The following IDE variants were observed in gnomAD, a reference collection of about 807,000 sequenced individuals.
The protein encoded by IDE is insulin-degrading enzyme.
A neutral mutation model predicts 133.2 loss-of-function variants in IDE; 58 were observed. That is an observed-to-expected ratio of 0.44 (90% CI 0.35 to 0.54). The LOEUF (loss-of-function observed/expected upper bound fraction) is 0.54, where lower values mean the gene tolerates loss of function less well. IDE is among the 20% of genes least tolerant of loss of function. The pLI is 0.00. For synonymous variants in IDE, 396 were observed against 421.3 expected, an observed-to-expected ratio of 0.94 and a Z score of 0.73; for missense variants, 981 against 1,234.0, an observed-to-expected ratio of 0.79 and a Z score of 3.07.
chr10:92,568,466 G>T (rs1589560326), intron 1 of IDE, among the ~76,000 whole-genome samples: 1 of 152,194 alleles, frequency 6.6e-6, no homozygotes, highest in East Asian at 1.9e-4. Context: ...TACTGCTTAA[G>T]AAGTATTCAA....
intron 1 of IDE, among the ~76,000 whole-genome samples, chr10:92,567,641 C>T (rs987550774): frequency 6.6e-6 from 1 of 152,148 alleles, no homozygotes; most frequent in Non-Finnish European, 1.5e-5. Flanking sequence ...GTGAATTTCC[C>T]TACTTTTGAA....
intron 22 of IDE, among the ~76,000 whole-genome samples, chr10:92,460,857 T>C (rs532551163): frequency 6.6e-6 from 1 of 152,324 alleles, no homozygotes; most frequent in Admixed American, 6.5e-5. Context: ...TTTGGTTTTT[T>C]TGAGGCACAG....
intron 4 of IDE, among the ~76,000 whole-genome samples, chr10:92,518,137 TGATG>T (rs1166040253): frequency 1.3e-5 from 2 of 152,054 alleles, no homozygotes; most frequent in African/African-American, 4.8e-5. Flanking sequence ...ATTTGAGTAT[TGATG>T]AAGCCTTTCT....
intron 1 of IDE, among the ~76,000 whole-genome samples, chr10:92,550,113 AG>A (rs541639148): frequency 2.9e-3 from 441 of 152,278 alleles, no homozygotes; most frequent in African/African-American, 0.01. Flanking sequence ...GGTCGCAGCA[AG>A]CTGAGATCAC....
intron 14 of IDE, 79 bp from the exon 15 acceptor site, chr10:92,479,500 T>C (rs910768596): frequency 4.8e-6 from 5 of 1,035,028 alleles, no homozygotes; most frequent in Non-Finnish European, 7.4e-6. Context: ...TGGATCAAGA[T>C]ATTGAACACC....
At chr10:92,461,158 CA>C in intron 22 of IDE, 32 bp downstream of exon 22, 1 of 1,036,574 alleles carries the variant, frequency 9.6e-7, no homozygotes, top group Non-Finnish European at 1.5e-6. Context: ...ACTTTCATAT[CA>C]GTCAAAATCT....
intron 1 of IDE, among the ~76,000 whole-genome samples, chr10:92,557,814 T>C (rs541633033): frequency 6.6e-4 from 85 of 129,144 alleles, no homozygotes; most frequent in African/African-American, 2.4e-3. Context: ...TGTTTAAACC[T>C]GGGAGGCGGA....
At chr10:92,488,166 G>A (rs1044459387) in intron 12 of IDE, among the ~76,000 whole-genome samples, 15 of 151,164 alleles carry the variant, frequency 9.9e-5, no homozygotes, top group African/African-American at 3.2e-4. Context: ...ATGCAGCAGC[G>A]TGATCTCCAC....
chr10:92,531,650 A>G (rs1180720246), intron 4 of IDE, 98 bp downstream of exon 4: 3 of 470,416 alleles, frequency 6.4e-6, no homozygotes, highest in Non-Finnish European at 9.7e-6. Context: ...TTATATACAT[A>G]AATATATACA....
At chr10:92,552,974 AT>A (rs1303946809) in intron 1 of IDE, among the ~76,000 whole-genome samples, 5 of 151,934 alleles carry the variant, frequency 3.3e-5, no homozygotes, top group African/African-American at 1.2e-4. Flanking sequence ...TCTAAAAAAG[AT>A]GGGGCTTATT....
chr10:92,564,833 G>A (rs960715021), intron 1 of IDE, among the ~76,000 whole-genome samples: 1 of 151,774 alleles, frequency 6.6e-6, no homozygotes, highest in Non-Finnish European at 1.5e-5. Flanking sequence ...TAAGCAGAAC[G>A]ATCACTTGAG....
intron 1 of IDE, among the ~76,000 whole-genome samples, chr10:92,556,901 C>CTACA (rs1235805236): frequency 7.0e-6 from 1 of 143,252 alleles, no homozygotes; most frequent in Non-Finnish European, 1.5e-5. Flanking sequence ...TCCACCTGGG[C>CTACA]TACAGAGTGA....
At chr10:92,540,222 G>A (rs1022778180) in intron 1 of IDE, among the ~76,000 whole-genome samples, 8 of 150,574 alleles carry the variant, frequency 5.3e-5, no homozygotes, top group African/African-American at 1.2e-4. Context: ...CAGCCTGGGC[G>A]CAACAGAGCG....
intron 9 of IDE, among the ~76,000 whole-genome samples, chr10:92,507,155 T>C (rs1848334604): frequency 6.6e-6 from 1 of 152,064 alleles, no homozygotes; most frequent in Non-Finnish European, 1.5e-5. Flanking sequence ...ATAAAATCAC[T>C]TTTAATAACA....
chr10:92,507,049 A>T (rs1023862277), intron 9 of IDE, among the ~76,000 whole-genome samples: 1 of 152,144 alleles, frequency 6.6e-6, no homozygotes. Context: ...ACGTATTTTT[A>T]AAAACCCTTT....
rs1159854156 is a variant in IDE at position 92,508,834 on chromosome 10, G to A, written c.954C>T (p.Pro318=). 6.2e-7 allele frequency: 1 copy of A among 1,612,712 alleles called. No homozygotes were observed. The highest frequency in any genetic ancestry group is 8.5e-7 in the Non-Finnish European group (1 of 1,178,788). ...TGTAGTATTTCTGAAGGTCAGGTATGGGAAATGTCACATAGAGATTCCTAA... is the reference window on the plus strand; with the variant it reads ...TGTAGTATTTCTGAAGGTCAGGTATAGGAAATGTCACATAGAGATTCCTAA... The part of the protein sequence containing the change: ...KDIRNLYVTF[P]IPDLQKYYKS... The change falls in exon 7 of 25, where the codon CCC becomes CCT. Residue 318 remains proline, a synonymous_variant. Transcript: ENST00000265986.
intron 6 of IDE, among the ~76,000 whole-genome samples, chr10:92,509,241 TG>T (rs1228651826): frequency 6.6e-6 from 1 of 152,238 alleles, no homozygotes; most frequent in Non-Finnish European, 1.5e-5. Flanking sequence ...GATATGTTTT[TG>T]GTGATTCATG....
chr10:92,494,075 C>A (rs1047557818), intron 11 of IDE, among the ~76,000 whole-genome samples: 1 of 152,050 alleles, frequency 6.6e-6, no homozygotes, highest in Admixed American at 6.6e-5. Context: ...TCTAATTATA[C>A]CAAAAAATAA....
chr10:92,455,159 C>A (rs532182393), intron 24 of IDE, among the ~76,000 whole-genome samples: 2 of 152,184 alleles, frequency 1.3e-5, no homozygotes, highest in Admixed American at 6.5e-5. Context: ...ACTTTTAGTT[C>A]ATCACTTTTA....
Sources: allele counts gnomAD v4.1 joint callset (sites outside exome capture counted in the v4.1 genomes callset), GRCh38; gene constraint gnomAD v4.1.1; transcripts MANE v1.5; gene names NCBI Gene and HGNC (gene_info 2026-07-23, HGNC 2026-07-21).